The following STS variants were observed in gnomAD, a reference collection of about 807,000 sequenced individuals.
The protein encoded by STS is steroid sulfatase, also known as steryl-sulfatase.
STS carries 7 observed loss-of-function variants against 26.8 expected under a neutral mutation model. The observed-to-expected ratio is 0.26, with a 90% CI of 0.15 to 0.49. The LOEUF is 0.49. STS is among the 20% of genes least tolerant of loss of function. The pLI is 0.98. For missense variants in STS, 434 were observed against 465.6 expected (o/e 0.93, Z 0.63); for synonymous variants, 199 against 189.4 (o/e 1.05, Z -0.42).
intron 7 of STS, among the ~76,000 whole-genome samples, chrX:7,284,736 A>G (rs760607610): frequency 1.8e-5 from 2 of 112,468 alleles, no homozygotes; most frequent in Non-Finnish European, 3.8e-5. Flanking sequence ...GGAAGCCCAG[A>G]AAAAGAATTT....
At chrX:7,246,478 T>C (rs1310619274) in intron 2 of STS, among the ~76,000 whole-genome samples, 11 of 109,202 alleles carry the variant, frequency 1.0e-4, no homozygotes, top group Non-Finnish European at 3.8e-5. Context: ...ATTTTTTTTT[T>C]TGGATTTTTA....
Position 7,259,811 on chromosome X carries a change from A to C in STS, c.806+39A>C, listed in dbSNP as rs760948507. On this transcript the variant is annotated intron_variant, in intron 6 of 10. Coordinates refer to ENST00000674429, the MANE Select transcript of STS (RefSeq NM_001320752.2). ...TGTCCTCTGATGCTGCCTGTTAAAA[A>C]ACATTCTGGGTTATTTCTCGTGGAG... is the stretch of plus-strand genomic sequence containing the variant. 6 of 1,190,541 alleles carry C rather than the reference A, an allele frequency of 5.0e-6. No individual in the cohort carries two copies. In the Admixed American group the frequency reaches 1.3e-4, roughly 26 times the overall value.
intron 9 of STS, among the ~76,000 whole-genome samples, chrX:7,331,911 T>A (rs963480174): frequency 2.9e-5 from 3 of 104,664 alleles, no homozygotes; most frequent in South Asian, 4.2e-4. Flanking sequence ...AAAAAAAGTC[T>A]ATCTCCACTT....
rs914060195 is a variant in STS, at chrX:7,334,064, C to T, written c.1320C>T (p.Tyr440=). The change falls in exon 10 of 11, where the codon TAC becomes TAT. Residue 440 remains tyrosine (Y), a synonymous_variant. Coordinates refer to ENST00000674429, the MANE Select transcript of STS (RefSeq NM_001320752.2). ...CCGATCATGAGTTTCTCTTCCATTA[C>T]TGCAACGCCTACTTAAATGCTGTGC... ...QRSDHEFLFH[Y]CNAYLNAVRW... 2.5e-6 allele frequency: 3 copies of T among 1,211,512 alleles called. No homozygotes were observed. The highest frequency in any genetic ancestry group is 3.4e-6 in the Non-Finnish European group (3 of 895,349).
At chrX:7,173,713 A>C (rs1238750658) in intron 1 of STS, among the ~76,000 whole-genome samples, 2 of 112,203 alleles carry the variant, frequency 1.8e-5, no homozygotes, top group Non-Finnish European at 3.8e-5. Flanking sequence ...TTTTTGTCAT[A>C]TGTTTCCTGG....
chrX:7,264,153 C>T (rs1412779391), intron 6 of STS, among the ~76,000 whole-genome samples: 1 of 111,410 alleles, frequency 9.0e-6, no homozygotes, highest in African/African-American at 3.3e-5. Flanking sequence ...CCTTGGTAAA[C>T]ATTGGGATCT....
chrX:7,281,578 A>T (rs1231662362), intron 7 of STS, among the ~76,000 whole-genome samples: 1 of 112,056 alleles, frequency 8.9e-6, no homozygotes, highest in Non-Finnish European at 1.9e-5. Flanking sequence ...AACTCAATGT[A>T]GCAGCAAGGG....
intron 2 of STS, among the ~76,000 whole-genome samples, chrX:7,240,509 GTGTGTGTGTGTGTGTGTGTGTGTGTA>G (rs1922552725): frequency 3.2e-4 from 4 of 12,354 alleles, no homozygotes; most frequent in African/African-American, 7.6e-4. Context: ...GTGTGTGTGT[GTGTGTGTGTGTGTGTGTGTGTGTGTA>G]TATATATATA....
At chrX:7,336,057 C>T (rs1928005243) in intron 10 of STS, among the ~76,000 whole-genome samples, 1 of 111,700 alleles carries the variant, frequency 9.0e-6, no homozygotes, top group Non-Finnish European at 1.9e-5. Context: ...CTTAGAATTA[C>T]AGTAATATTC....
intron 2 of STS, among the ~76,000 whole-genome samples, chrX:7,231,406 T>C (rs376803769): frequency 7.2e-4 from 81 of 112,276 alleles, no homozygotes; most frequent in African/African-American, 2.6e-3. Flanking sequence ...GTTCAAGGCT[T>C]CATGGCTTCT....
intron 8 of STS, among the ~76,000 whole-genome samples, chrX:7,310,062 A>G (rs1451631491): frequency 2.7e-5 from 3 of 112,219 alleles, no homozygotes. Flanking sequence ...CCAATTTTCT[A>G]AGGAATAATT....
At chrX:7,333,570 C>T (rs777848374) in intron 9 of STS, among the ~76,000 whole-genome samples, 1 of 112,297 alleles carries the variant, frequency 8.9e-6, no homozygotes, top group South Asian at 3.7e-4. Flanking sequence ...ATCTTTTCAG[C>T]AGGCCTGTAT....
chrX:7,349,676 C>A (rs775223874), intron 10 of STS, among the ~76,000 whole-genome samples: 5 of 111,159 alleles, frequency 4.5e-5, no homozygotes, highest in Non-Finnish European at 9.4e-5. Context: ...ATGGTCCTAC[C>A]AAGTTTGACG....
intron 2 of STS, among the ~76,000 whole-genome samples, chrX:7,224,531 T>C (rs1204244615): frequency 4.5e-5 from 5 of 111,465 alleles, no homozygotes; most frequent in African/African-American, 1.6e-4. Flanking sequence ...TTAGTACCCA[T>C]ATAAAAGAGA....
chrX:7,151,687 A>G (rs1218022793), intron 1 of STS, among the ~76,000 whole-genome samples: 1 of 111,325 alleles, frequency 9.0e-6, no homozygotes, highest in Non-Finnish European at 1.9e-5. Context: ...CTTCACCATC[A>G]GAGTGCAAAC....
chrX:7,338,824 T>C (rs1928151748), intron 10 of STS, among the ~76,000 whole-genome samples: 1 of 112,449 alleles, frequency 8.9e-6, no homozygotes, highest in Admixed American at 9.4e-5. Context: ...TTTGGTTATA[T>C]GAGTGTTTCA....
intron 2 of STS, among the ~76,000 whole-genome samples, chrX:7,232,330 A>G (rs1326001045): frequency 8.9e-6 from 1 of 112,266 alleles, no homozygotes; most frequent in Non-Finnish European, 1.9e-5. Context: ...CGAAACCTTT[A>G]TACAGTGCAT....
intron 10 of STS, among the ~76,000 whole-genome samples, chrX:7,346,697 C>A (rs923888542): frequency 2.7e-5 from 3 of 111,821 alleles, no homozygotes; most frequent in African/African-American, 6.5e-5. Context: ...TAACATTTTT[C>A]TAGTATATGA....
chrX:7,304,980 G>C (rs1346071180), intron 7 of STS, 66 bp from the exon 8 acceptor site: 2 of 1,176,863 alleles, frequency 1.7e-6, no homozygotes, highest in African/African-American at 1.8e-5. Flanking sequence ...CCACTGAGTA[G>C]GGCAACCATC....
Sources: gnomAD v4.1 joint callset for allele counts (sites outside exome capture counted in the v4.1 genomes callset) on GRCh38, gnomAD v4.1.1 for gene constraint, MANE v1.5 for transcripts, NCBI Gene and HGNC (gene_info 2026-07-23, HGNC 2026-07-21) for gene names.